PRKG1: variants seen among roughly 807,000 people sequenced by gnomAD.
PRKG1 encodes cGMP-dependent protein kinase 1.
PRKG1 carries 35 observed loss-of-function variants against 88.1 expected under a neutral mutation model. The observed-to-expected ratio is 0.40, with a 90% CI of 0.30 to 0.53. PRKG1 has a LOEUF of 0.53. Ranked by LOEUF, PRKG1 falls within the 20% of genes least tolerant of loss-of-function variation. The probability of loss-of-function intolerance (pLI) is 0.59; values close to 1 mark genes in which losing one functional copy is unlikely to be tolerated. For synonymous variants in PRKG1, 303 were observed against 292.5 expected (o/e 1.04, Z -0.37); for missense variants, 540 against 839.8 (o/e 0.64, Z 4.41).
intron 3 of PRKG1, among the ~76,000 whole-genome samples, chr10:51,749,055 A>C (rs1320407249): frequency 6.6e-6 from 1 of 152,202 alleles, no homozygotes; most frequent in African/African-American, 2.4e-5. Flanking sequence ...ATGAACTTGC[A>C]TAGAAGTGCC....
chr10:51,073,590 C>A (rs1458073128), upstream of PRKG1, among the ~76,000 whole-genome samples: 2 of 152,072 alleles, frequency 1.3e-5, no homozygotes, highest in Non-Finnish European at 2.9e-5. Flanking sequence ...GAGTGACCTG[C>A]TAGGGCCCAA....
chr10:50,991,083 G>T lies in PRKG1; in HGVS notation c.-296G>T, dbSNP rs1431082588. On this transcript the variant is annotated 5_prime_UTR_variant, in exon 1 of 18. Transcript: ENST00000401604. This position sits in a 1 kb window ranked among gnomAD's most constrained non-coding sequence, Gnocchi z 4.5. Reference sequence around the variant, plus strand: ...GGGCAGCTCTAATTGGTTTCTCAATGAAAGATAATCACCTACTCCCCAGAG... The same window carrying T: ...GGGCAGCTCTAATTGGTTTCTCAATTAAAGATAATCACCTACTCCCCAGAG... 3 of 318,188 alleles carry T rather than the reference G, an allele frequency of 9.4e-6. No individual in the cohort carries two copies. The highest frequency in any genetic ancestry group is 1.7e-5 in the Non-Finnish European group (3 of 174,642). 19.7% of individuals were successfully genotyped at this position (318,188 alleles called of 1,614,324 possible). A position where few individuals can be genotyped will look rare whatever the true frequency, so the allele number is the denominator to read the frequency against.
At chr10:51,423,977 C>T (rs2132712175) in intron 2 of PRKG1, among the ~76,000 whole-genome samples, 1 of 152,258 alleles carries the variant, frequency 6.6e-6, no homozygotes, top group East Asian at 1.9e-4. Flanking sequence ...TATTCCTATG[C>T]TGCAATTGTC....
intron 3 of PRKG1, among the ~76,000 whole-genome samples, chr10:51,567,703 C>T (rs1191434912): frequency 6.6e-6 from 1 of 152,094 alleles, no homozygotes; most frequent in Non-Finnish European, 1.5e-5. Context: ...TATTGTGCCT[C>T]AGTCTCCCAA....
intron 5 of PRKG1, among the ~76,000 whole-genome samples, chr10:51,959,035 C>T (rs80117039): frequency 0.094 from 14,319 of 152,090 alleles, 768 homozygotes; most frequent in Admixed American, 0.13. Context: ...TAGATGAGTA[C>T]GTGGGGCTTA....
intron 5 of PRKG1, among the ~76,000 whole-genome samples, chr10:51,977,218 G>C (rs553188267): frequency 7.2e-5 from 11 of 152,092 alleles, no homozygotes; most frequent in African/African-American, 2.6e-4. Context: ...CAAACATGTG[G>C]TATTTGCTTT....
intron 3 of PRKG1, among the ~76,000 whole-genome samples, chr10:51,622,169 C>T (rs1335966141): frequency 6.6e-6 from 1 of 152,104 alleles, no homozygotes; most frequent in Non-Finnish European, 1.5e-5. Context: ...ATATACCATG[C>T]CTCTCTTAGT....
intron 2 of PRKG1, among the ~76,000 whole-genome samples, chr10:51,257,326 T>C (rs1054048331): frequency 6.6e-6 from 1 of 152,196 alleles, no homozygotes; most frequent in Non-Finnish European, 1.5e-5. Context: ...GAGGATGGCA[T>C]GTGCGGGTGA....
At chr10:51,392,026 CA>C (rs138791349) in intron 2 of PRKG1, among the ~76,000 whole-genome samples, 2 of 152,130 alleles carry the variant, frequency 1.3e-5, no homozygotes, top group African/African-American at 4.8e-5. Flanking sequence ...TGTAAATAAG[CA>C]AAAATCCCAC....
intron 5 of PRKG1, among the ~76,000 whole-genome samples, chr10:51,970,459 A>G (rs1397855602): frequency 6.6e-6 from 1 of 151,510 alleles, no homozygotes; most frequent in Non-Finnish European, 1.5e-5. Flanking sequence ...AGGTTGATGC[A>G]ATCACTTTTA....
intron 9 of PRKG1, among the ~76,000 whole-genome samples, chr10:52,213,951 A>C (rs1840047561): frequency 6.6e-6 from 1 of 152,230 alleles, no homozygotes; most frequent in East Asian, 1.9e-4. Context: ...TACATTTAAT[A>C]CATCTACAAG....
intron 3 of PRKG1, among the ~76,000 whole-genome samples, chr10:51,609,666 G>T (rs1838854390): frequency 6.6e-6 from 1 of 152,148 alleles, no homozygotes; most frequent in Non-Finnish European, 1.5e-5. Context: ...CCATAAAAAG[G>T]AATGAGGTCA....
chr10:51,539,187 T>G (rs1842238338), intron 3 of PRKG1, among the ~76,000 whole-genome samples: 1 of 152,152 alleles, frequency 6.6e-6, no homozygotes, highest in Non-Finnish European at 1.5e-5. Context: ...ATAAACAGTA[T>G]TCACAGTATA....
intron 3 of PRKG1, among the ~76,000 whole-genome samples, chr10:51,468,226 G>T (rs1267433222): frequency 6.6e-6 from 1 of 151,710 alleles, no homozygotes; most frequent in Non-Finnish European, 1.5e-5. Context: ...AATTCCACTT[G>T]TTTACTCAGT....
intron 2 of PRKG1, among the ~76,000 whole-genome samples, chr10:51,465,377 G>T (rs1397810928): frequency 6.6e-6 from 1 of 152,074 alleles, no homozygotes; most frequent in Non-Finnish European, 1.5e-5. Context: ...CAGAGAAATA[G>T]ACTTGTACAA....
chr10:51,962,722 G>A (rs1040130778), intron 5 of PRKG1, among the ~76,000 whole-genome samples: 1 of 152,170 alleles, frequency 6.6e-6, no homozygotes, highest in Non-Finnish European at 1.5e-5. Context: ...AAAGTGCACA[G>A]GGGAATGTGG....
chr10:52,038,069 T>C (rs993088444), intron 5 of PRKG1, among the ~76,000 whole-genome samples: 4 of 152,142 alleles, frequency 2.6e-5, no homozygotes, highest in African/African-American at 9.7e-5. Flanking sequence ...AAATTCAAAG[T>C]GCCATTTTCT....
At chr10:51,908,456 G>C (rs7910288) in intron 5 of PRKG1, 37,688 of 151,914 alleles carry the variant, frequency 0.25, 5,291 homozygotes, top group African/African-American at 0.33. Context: ...GTGCAGCCAA[G>C]TAATGGAGAG....
At chr10:52,276,503 T>G (rs1187957461) in intron 12 of PRKG1, among the ~76,000 whole-genome samples, 1 of 152,168 alleles carries the variant, frequency 6.6e-6, no homozygotes, top group Non-Finnish European at 1.5e-5. Context: ...ACATTGTGAT[T>G]AAATTTTAAT....
Sources: gnomAD v4.1 joint callset for allele counts (sites outside exome capture counted in the v4.1 genomes callset) on GRCh38, gnomAD v4.1.1 for gene constraint, Gnocchi (gnomAD v3.1) non-coding constraint, MANE v1.5 for transcripts, NCBI Gene and HGNC (gene_info 2026-07-23, HGNC 2026-07-21) for gene names.